The following HMGA2 variants were observed in gnomAD, a reference collection of about 807,000 sequenced individuals.
HMGA2 encodes the protein high mobility group protein HMGI-C.
In HMGA2, 8 loss-of-function variants were observed where a neutral mutation model predicts 19.1. The observed-to-expected ratio is 0.42, with a 90% CI of 0.25 to 0.76. The LOEUF is 0.76. HMGA2 is among the 30% of genes least tolerant of loss of function. The pLI, the probability that HMGA2 is intolerant of heterozygous loss-of-function variation, is 0.28. For synonymous variants in HMGA2, 60 were observed against 48.8 expected, an observed-to-expected ratio of 1.23 and a Z score of -0.96; for missense variants, 109 against 136.3, an observed-to-expected ratio of 0.80 and a Z score of 1.00.
At chr12:65,924,353 T>C (rs1875428424) in intron 3 of HMGA2, among the ~76,000 whole-genome samples, 1 of 152,178 alleles carries the variant, frequency 6.6e-6, no homozygotes, top group Non-Finnish European at 1.5e-5. Context: ...GTAAAATGAA[T>C]ATGGAAGAGG....
chr12:65,908,877 C>G (rs1461320420), intron 3 of HMGA2, among the ~76,000 whole-genome samples: 2 of 152,168 alleles, frequency 1.3e-5, no homozygotes, highest in African/African-American at 4.8e-5. Flanking sequence ...TCTTCATCTA[C>G]TTTGGCCCGA....
rs916999374 is a variant in HMGA2 at position 65,901,494 on chromosome 12, G to A, written c.250-49889G>A. Among the ~76,000 whole-genome samples the A allele has an allele frequency of 5.9e-5, 9 of 152,220 alleles. No homozygotes were observed. The East Asian group carries it at 1.2e-3, about 20-fold the overall frequency. The stretch of plus-strand genomic sequence containing the variant: ...TTGCTGAAATGAATAGTCACCAAGC[G>A]TTTATTTGTTGTCTGATTTTGTGAC... On this transcript the variant is annotated intron_variant, in intron 3 of 4. Coordinates refer to ENST00000403681, the MANE Select transcript of HMGA2 (RefSeq NM_003483.6).
At position 65,964,983 on chromosome 12, in the gene HMGA2, T is replaced by G. The variant is rs1344212398; in HGVS notation, c.*1691T>G. The G allele has an allele frequency of 2.7e-5, 5 of 188,660 alleles. No individual in the cohort carries two copies. Among genetic ancestry groups the G allele is most frequent in the African/African-American group, 1.2e-4 (5 of 42,994 alleles). 11.7% of individuals were successfully genotyped at this position (188,660 alleles called of 1,614,324 possible). A position where few individuals can be genotyped will look rare whatever the true frequency, so the allele number is the denominator to read the frequency against. On this transcript the variant is annotated 3_prime_UTR_variant, in exon 5 of 5. Coordinates refer to ENST00000403681, the MANE Select transcript of HMGA2 (RefSeq NM_003483.6). ...ACCTACCTCCAGACTTCAAAAGGAA[T>G]GAACTTGTTACTTGCAGCATTCATT...
Position 65,965,395 on chromosome 12 carries a change from C to T in HMGA2, c.*2103C>T, listed in dbSNP as rs1457708896. On this transcript the variant is annotated 3_prime_UTR_variant, in exon 5 of 5. Coordinates refer to ENST00000403681, the MANE Select transcript of HMGA2 (RefSeq NM_003483.6). ...TGCTGACTTTTTAACATGGTATTAT[C>T]AACTGGGCCAGGAGGTAGTTTCTCA... is the stretch of plus-strand genomic sequence containing the variant. The T allele has an allele frequency of 4.9e-6, 1 of 203,466 alleles. No homozygotes were observed. The highest frequency in any genetic ancestry group is 2.3e-5 in the African/African-American group (1 of 43,612). The allele number at this position is 203,466 out of a possible 1,614,324, so 12.6% of individuals were successfully genotyped here.
intron 3 of HMGA2, among the ~76,000 whole-genome samples, chr12:65,931,159 G>A (rs1875694752): frequency 6.6e-6 from 1 of 152,084 alleles, no homozygotes; most frequent in South Asian, 2.1e-4. Flanking sequence ...TTTTTGTTCA[G>A]CATCAAAGAA....
intron 3 of HMGA2, among the ~76,000 whole-genome samples, chr12:65,888,554 CTTT>C (rs1180942808): frequency 1.2e-4 from 5 of 40,578 alleles, no homozygotes; most frequent in Admixed American, 4.6e-4. Flanking sequence ...GTGGTGTGCT[CTTT>C]TTTTTTTTTT....
At chr12:65,834,080 T>C (rs992348681) in intron 2 of HMGA2, among the ~76,000 whole-genome samples, 2 of 152,190 alleles carry the variant, frequency 1.3e-5, no homozygotes, top group Non-Finnish European at 2.9e-5. Flanking sequence ...ACAGGACATA[T>C]CTGATATTCA....
At chr12:65,940,171 C>G (rs532502775) in intron 3 of HMGA2, among the ~76,000 whole-genome samples, 1 of 151,838 alleles carries the variant, frequency 6.6e-6, no homozygotes, top group East Asian at 1.9e-4. Context: ...CCTTCATAGC[C>G]TTAACTGAAT....
rs1243980634 is a variant in HMGA2, at chr12:65,824,673, T to G, written c.-598T>G. The G allele has an allele frequency of 4.4e-6, 1 of 225,530 alleles. No individual in the cohort carries two copies. The highest frequency in any genetic ancestry group is 6.3e-5 in the East Asian group (1 of 15,878). 14.0% of individuals were successfully genotyped at this position (225,530 alleles called of 1,614,324 possible). On this transcript the variant is annotated 5_prime_UTR_variant, in exon 1 of 5. Transcript: ENST00000403681. ...CCCGGCGGAGTCTCCCCATCCTCCT[T>G]TGCTTTCCGACTGCCCAAGGCACTT...
At chr12:65,903,126 G>C (rs914014706) in intron 3 of HMGA2, among the ~76,000 whole-genome samples, 20 of 151,936 alleles carry the variant, frequency 1.3e-4, no homozygotes, top group Admixed American at 2.0e-4. Context: ...GATGTCACTG[G>C]GAATACCATT....
At chr12:65,849,734 G>GTTTTTTTTTTTTTTTTTT (rs1309933646) in intron 3 of HMGA2, among the ~76,000 whole-genome samples, 2 of 102,036 alleles carry the variant, frequency 2.0e-5, no homozygotes, top group African/African-American at 1.2e-4. Context: ...GGTAGGCTCT[G>GTTTTTTTTTTTTTTTTTT]TATTTTTTTT....
At chr12:65,894,605 T>C (rs1262078928) in intron 3 of HMGA2, among the ~76,000 whole-genome samples, 1 of 152,220 alleles carries the variant, frequency 6.6e-6, no homozygotes, top group African/African-American at 2.4e-5. Context: ...ATTTGCAAAA[T>C]GCATCAGGAA....
At chr12:65,957,183 A>C (rs1876629124) in intron 4 of HMGA2, 1 of 152,220 alleles carries the variant, frequency 6.6e-6, no homozygotes, top group Non-Finnish European at 1.5e-5. Context: ...CCTATGCAAA[A>C]TTTTACACAT....
intron 3 of HMGA2, among the ~76,000 whole-genome samples, chr12:65,887,608 A>G (rs1873713171): frequency 6.6e-6 from 1 of 152,156 alleles, no homozygotes; most frequent in African/African-American, 2.4e-5. Context: ...CTGTAGTCCC[A>G]GCAACTCAGG....
At chr12:65,898,063 T>A (rs1874210114) in intron 3 of HMGA2, among the ~76,000 whole-genome samples, 4 of 152,196 alleles carry the variant, frequency 2.6e-5, no homozygotes, top group Admixed American at 2.6e-4. Flanking sequence ...TCATTTTAAT[T>A]TTGCCTTGAC....
intron 3 of HMGA2, among the ~76,000 whole-genome samples, chr12:65,949,525 T>C (rs931690291): frequency 2.6e-5 from 4 of 152,096 alleles, no homozygotes; most frequent in Non-Finnish European, 5.9e-5. Context: ...GAATAATACA[T>C]GCCTATATTC....
chr12:65,949,807 A>G lies in HMGA2; in HGVS notation c.250-1576A>G, dbSNP rs1490821035. ...AAACTCACAGAATTATTTGCAAATC[A>G]TAAGGGACTTGAATGCAAAACATTA... On this transcript the variant is annotated intron_variant, in intron 3 of 4. Transcript: ENST00000403681. Among the ~76,000 whole-genome samples the G allele has an allele frequency of 4.6e-5, 7 of 152,358 alleles. No individual in the cohort carries two copies. The East Asian group carries it at 9.6e-4, about 21-fold the overall frequency.
At chr12:65,900,814 G>A (rs114219128) in intron 3 of HMGA2, among the ~76,000 whole-genome samples, 2,027 of 152,286 alleles carry the variant, frequency 0.013, 70 homozygotes, top group Admixed American at 0.071. Context: ...CTGGAGGCAC[G>A]TTGGAGCCAA....
At chr12:65,834,146 C>T (rs1870598745) in intron 2 of HMGA2, among the ~76,000 whole-genome samples, 1 of 152,186 alleles carries the variant, frequency 6.6e-6, no homozygotes, top group African/African-American at 2.4e-5. Context: ...AAAGCTTATA[C>T]TCTTTCCACT....
Sources: allele counts gnomAD v4.1 joint callset (sites outside exome capture counted in the v4.1 genomes callset), GRCh38; gene constraint gnomAD v4.1.1; transcripts MANE v1.5; gene names NCBI Gene and HGNC (gene_info 2026-07-23, HGNC 2026-07-21).